STXBP6: variants seen among roughly 807,000 people sequenced by gnomAD.
STXBP6 encodes syntaxin binding protein 6.
STXBP6 carries 21 observed loss-of-function variants against 26.9 expected under a neutral mutation model. That is an observed-to-expected ratio of 0.78 (90% CI 0.55 to 1.12). STXBP6 has a LOEUF of 1.12. STXBP6 is among the 50% of genes most tolerant of loss of function. The pLI is 0.00. For missense variants in STXBP6, 232 were observed against 257.9 expected, an observed-to-expected ratio of 0.90 and a Z score of 0.69; for synonymous variants, 97 against 92.6, an observed-to-expected ratio of 1.05 and a Z score of -0.27.
At position 24,857,072 on chromosome 14, in the gene STXBP6, C is replaced by A; in HGVS notation, c.240G>T (p.Trp80Cys). The change falls in exon 3 of 6, where the codon TGG (tryptophan) becomes TGT (cysteine). Residue 80 changes from tryptophan to cysteine, a missense_variant. Transcript: ENST00000323944. The part of the protein sequence containing the change: ...GSTSFVRRSQ[W>C]MLEQLRQVNG... ...TAACCTGGCGAAGCTGCTCGAGCAT[C>A]CACTGTGATCTCCGAACAAATGATG... is the stretch of plus-strand genomic sequence containing the variant. 1.2e-6 allele frequency: 2 copies of A among 1,613,054 alleles called. No individual in the cohort carries two copies. The highest frequency in any genetic ancestry group is 2.2e-5 in the South Asian group (2 of 91,048).
intron 1 of STXBP6, among the ~76,000 whole-genome samples, chr14:25,014,037 G>A (rs1462696603): frequency 6.6e-6 from 1 of 152,112 alleles, no homozygotes; most frequent in East Asian, 1.9e-4. Flanking sequence ...AGGATGTCAC[G>A]GATTTGTTTC....
chr14:25,036,614 G>A (rs1390070474), intron 1 of STXBP6, among the ~76,000 whole-genome samples: 2 of 152,116 alleles, frequency 1.3e-5, no homozygotes, highest in Non-Finnish European at 1.5e-5. Context: ...TAGCACTCTG[G>A]GAGGCTGAGG....
intron 2 of STXBP6, among the ~76,000 whole-genome samples, chr14:24,904,275 C>T (rs955108046): frequency 6.6e-6 from 1 of 152,186 alleles, no homozygotes; most frequent in African/African-American, 2.4e-5. Flanking sequence ...ATACATCCAG[C>T]CACAACTTCA....
chr14:24,937,804 T>C (rs1177112637), intron 2 of STXBP6, among the ~76,000 whole-genome samples: 1 of 152,224 alleles, frequency 6.6e-6, no homozygotes, highest in Non-Finnish European at 1.5e-5. Context: ...TCCATGTGCA[T>C]GCAGGGATGC....
chr14:24,949,560 T>C (rs2073097649), intron 2 of STXBP6, among the ~76,000 whole-genome samples: 1 of 152,216 alleles, frequency 6.6e-6, no homozygotes, highest in Non-Finnish European at 1.5e-5. Flanking sequence ...GGAAGATAGT[T>C]ATAAACAGAT....
At chr14:24,969,462 T>C (rs1265272580) in intron 2 of STXBP6, among the ~76,000 whole-genome samples, 2 of 152,208 alleles carry the variant, frequency 1.3e-5, no homozygotes, top group African/African-American at 2.4e-5. Context: ...ATGTTTCTAG[T>C]TTAGCTTTAT....
At chr14:24,918,452 C>CCACACACACACACACACACA (rs55810129) in intron 2 of STXBP6, among the ~76,000 whole-genome samples, 5 of 133,398 alleles carry the variant, frequency 3.7e-5, no homozygotes, top group East Asian at 4.6e-4. Context: ...CACACCCCCA[C>CCACACACACACACACACACA]CACACACACA....
In STXBP6 at chr14:25,021,998, A is replaced by G. The variant is rs562246831; in HGVS notation, c.-33+27880T>C. ...AGGCCTATAATAAAGCCCATGCTCC[A>G]ACTAGAACAAGTTACTCAGCTCAAG... is the stretch of plus-strand genomic sequence containing the variant. On this transcript the variant is annotated intron_variant, in intron 1 of 5. Transcript: ENST00000323944. Among the ~76,000 whole-genome samples, 15 of 152,362 alleles carry G rather than the reference A, an allele frequency of 9.8e-5. 1 individual carries two copies. In the South Asian group the frequency reaches 2.9e-3, roughly 29 times the overall value.
At chr14:24,972,916 A>G (rs1030886790) in intron 2 of STXBP6, among the ~76,000 whole-genome samples, 1 of 152,208 alleles carries the variant, frequency 6.6e-6, no homozygotes. Flanking sequence ...CAGGAGTTCG[A>G]GACCAGCCTA....
intron 4 of STXBP6, among the ~76,000 whole-genome samples, chr14:24,833,482 G>A (rs1042497076): frequency 2.0e-5 from 3 of 152,280 alleles, no homozygotes; most frequent in Admixed American, 1.3e-4. Flanking sequence ...CAGGCAAAAC[G>A]TGTACAAATT....
At chr14:24,968,567 C>G (rs1005317995) in intron 2 of STXBP6, among the ~76,000 whole-genome samples, 4 of 152,122 alleles carry the variant, frequency 2.6e-5, no homozygotes, top group Non-Finnish European at 4.4e-5. Context: ...TTTCTCAAAC[C>G]CTCATAAATG....
At position 25,049,611 on chromosome 14, in the gene STXBP6, C is replaced by T. The variant is rs180675933; in HGVS notation, c.-33+267G>A. On this transcript the variant is annotated intron_variant, in intron 1 of 5. Coordinates refer to ENST00000323944, the MANE Select transcript of STXBP6 (RefSeq NM_001394410.1). This position sits in a 1 kb window ranked among gnomAD's most constrained non-coding sequence, Gnocchi z 5.6. ...CGTTCTGCGGCTTGCCCAATACTGC[C>T]CGCACAACGGGTCCCAGGGTTGGAG... The T allele has an allele frequency of 4.0e-3, 3,915 of 985,426 alleles. 10 individuals are homozygous for T. Among genetic ancestry groups the T allele is most frequent in the Admixed American group, 8.8e-3 (143 of 16,296 alleles). The allele number at this position is 985,426 out of a possible 1,614,324, so 61.0% of individuals were successfully genotyped here. A position where few individuals can be genotyped will look rare whatever the true frequency, so the allele number is the denominator to read the frequency against.
intron 1 of STXBP6, among the ~76,000 whole-genome samples, chr14:25,009,090 A>G (rs1362627813): frequency 6.6e-6 from 1 of 152,204 alleles, no homozygotes; most frequent in African/African-American, 2.4e-5. Flanking sequence ...AAAAGGATGG[A>G]TGGGATGATA....
At chr14:24,988,744 C>T (rs2074394673) in intron 1 of STXBP6, among the ~76,000 whole-genome samples, 1 of 152,170 alleles carries the variant, frequency 6.6e-6, no homozygotes, top group African/African-American at 2.4e-5. Flanking sequence ...AGGTGGAAAG[C>T]AGAGAATACT....
At chr14:24,997,896 T>C (rs149597277) in intron 1 of STXBP6, among the ~76,000 whole-genome samples, 2 of 152,228 alleles carry the variant, frequency 1.3e-5, no homozygotes, top group Non-Finnish European at 2.9e-5. Flanking sequence ...AGAGAACATA[T>C]CCTATTTTTA....
At chr14:24,986,846 C>T (rs1056405585) in intron 1 of STXBP6, among the ~76,000 whole-genome samples, 7 of 152,146 alleles carry the variant, frequency 4.6e-5, no homozygotes, top group African/African-American at 1.7e-4. Flanking sequence ...GTGAAATCTC[C>T]ATGTGAGTGG....
chr14:25,003,367 C>G (rs2074812495), intron 1 of STXBP6, among the ~76,000 whole-genome samples: 2 of 152,148 alleles, frequency 1.3e-5, no homozygotes, highest in Admixed American at 1.3e-4. Context: ...CTTTTGTCGT[C>G]ATTATTGAAA....
At chr14:24,916,822 T>G (rs1333594569) in intron 2 of STXBP6, among the ~76,000 whole-genome samples, 1 of 152,012 alleles carries the variant, frequency 6.6e-6, no homozygotes, top group African/African-American at 2.4e-5. Flanking sequence ...AAATCAGCAT[T>G]TCAATAAAAT....
chr14:24,860,678 A>G (rs2069504475), intron 2 of STXBP6, among the ~76,000 whole-genome samples: 2 of 152,132 alleles, frequency 1.3e-5, no homozygotes, highest in Admixed American at 1.3e-4. Flanking sequence ...TATTTGAGAT[A>G]GCTGAATAAC....
Sources: allele counts gnomAD v4.1 joint callset (sites outside exome capture counted in the v4.1 genomes callset), GRCh38; gene constraint gnomAD v4.1.1; non-coding constraint Gnocchi (gnomAD v3.1); transcripts MANE v1.5; gene names NCBI Gene and HGNC (gene_info 2026-07-23, HGNC 2026-07-21).